The following PWWP2A variants were observed in gnomAD, a reference collection of about 807,000 sequenced individuals.
PWWP2A encodes PWWP domain-containing protein 2A.
PWWP2A carries 18 observed loss-of-function variants against 48.5 expected under a neutral mutation model. The observed-to-expected ratio is 0.37, with a 90% CI of 0.26 to 0.55. The LOEUF (loss-of-function observed/expected upper bound fraction) is 0.55. Among genes scored for constraint, PWWP2A ranks in the 20% least tolerant of loss-of-function variants. PWWP2A has a pLI of 0.81. For synonymous variants in PWWP2A, 396 were observed against 387.7 expected (o/e 1.02, Z -0.25); for missense variants, 867 against 976.4 (o/e 0.89, Z 1.49).
chr5:160,111,948 G>C (rs11953732), intron 1 of PWWP2A, among the ~76,000 whole-genome samples: 4 of 151,684 alleles, frequency 2.6e-5, no homozygotes, highest in Non-Finnish European at 2.9e-5. Context: ...GCAACAAAGC[G>C]AAACCCTGTC....
At chr5:160,065,105 G>A (rs375765891) in intron 4 of PWWP2A, 1 of 1,596,298 alleles carries the variant, frequency 6.3e-7, no homozygotes, top group South Asian at 1.1e-5. Flanking sequence ...TTGGAATTGT[G>A]TGCTGCTTGC....
At chr5:160,045,520 A>ACACACACACACACACACT in the PWWP2A span, among the ~76,000 whole-genome samples, 1 of 54,884 alleles carries the variant, frequency 1.8e-5, no homozygotes. Flanking sequence ...ACACATACAC[A>ACACACACACACACACACT]CTCTCTCTCT....
downstream of PWWP2A, chr5:160,090,860 G>A: frequency 2.0e-6 from 2 of 984,764 alleles, no homozygotes; most frequent in Non-Finnish European, 2.4e-6. Flanking sequence ...CAGCCAATCA[G>A]ATATATTTCT....
chr5:160,078,036 T>TA lies in PWWP2A; in HGVS notation c.*118dup. ...GTGCCCCTTTATAGACTGTTGTTTT[T>TA]AACCACTGCCTTAACATTTACTTCT... is the stretch of plus-strand genomic sequence containing the variant. On this transcript the variant is annotated 3_prime_UTR_variant, in exon 4 of 4. Coordinates refer to the PWWP2A transcript ENST00000456329. This position sits in a 1 kb window ranked among gnomAD's most constrained non-coding sequence, Gnocchi z 4.2. 1 of 872,842 alleles carries TA rather than the reference T, an allele frequency of 1.1e-6. No homozygotes were observed. Among genetic ancestry groups the TA allele is most frequent in the Non-Finnish European group, 1.8e-6 (1 of 541,544 alleles). The allele number at this position is 872,842 out of a possible 1,614,324, so 54.1% of individuals were successfully genotyped here.
chr5:160,113,220 T>G (rs992502103), intron 1 of PWWP2A: 78 of 982,932 alleles, frequency 7.9e-5, no homozygotes, highest in Non-Finnish European at 9.2e-5. Flanking sequence ...AATTTACTAT[T>G]TAGTACCACT....
chr5:160,072,014 C>T (rs1195544601), downstream of PWWP2A, among the ~76,000 whole-genome samples: 1 of 152,176 alleles, frequency 6.6e-6, no homozygotes, highest in Non-Finnish European at 1.5e-5. Context: ...AGGATTCTTG[C>T]CAGCCTGCTT....
At chr5:160,112,404 TAG>T (rs1015489145) in intron 1 of PWWP2A, among the ~76,000 whole-genome samples, 5 of 151,956 alleles carry the variant, frequency 3.3e-5, no homozygotes, top group Admixed American at 2.6e-4. Context: ...GTATTTTTAG[TAG>T]AGACAGGGTT....
chr5:160,084,784 T>C (rs768715817), intron 2 of PWWP2A, among the ~76,000 whole-genome samples: 7 of 152,064 alleles, frequency 4.6e-5, no homozygotes, highest in African/African-American at 1.2e-4. Flanking sequence ...AAGTTATATA[T>C]ATATACTCCT....
chr5:160,049,602 A>G, the PWWP2A span: 1 of 1,612,158 alleles, frequency 6.2e-7, no homozygotes, highest in African/African-American at 1.3e-5. Flanking sequence ...AAGCCCTGGA[A>G]GACTATAAAT....
At position 160,109,768 on chromosome 5, in the gene PWWP2A, AAAAAAAATATATATATATATAT is replaced by A. The variant is rs1757273040; in HGVS notation, c.584+9015_584+9036del. Among the ~76,000 whole-genome samples, 6 of 52,798 alleles carry A rather than the reference AAAAAAAATATATATATATATAT, an allele frequency of 1.1e-4. No homozygotes were observed. The South Asian group carries it at 3.7e-3, about 32-fold the overall frequency. The allele number at this position is 52,798 out of a possible 152,430, so 34.6% of individuals were successfully genotyped here. A position where few individuals can be genotyped will look rare whatever the true frequency, so the allele number is the denominator to read the frequency against. On this transcript the variant is annotated intron_variant, in intron 1 of 1. Transcript: ENST00000307063. Reference sequence around the variant, plus strand: ...GAGGATGCAACTGGGAAAAAAAAAAAAAAAAAATATATATATATATATATATATATATATATATATAAAATAA... The same window carrying A: ...GAGGATGCAACTGGGAAAAAAAAAAAATATATATATATATATATAAAATAA...
intron 1 of PWWP2A, among the ~76,000 whole-genome samples, chr5:160,118,552 G>C (rs1758373115): frequency 6.6e-6 from 1 of 152,166 alleles, no homozygotes; most frequent in Non-Finnish European, 1.5e-5. Flanking sequence ...GGTGAGACCT[G>C]TGAGCCCATC....
rs1753636453 is a variant in PWWP2A at position 160,067,277 on chromosome 5, T to TAAGA, written c.*80-410_*80-407dup. On this transcript the variant is annotated intron_variant and NMD_transcript_variant, in intron 2 of 5. Coordinates refer to the PWWP2A transcript ENST00000524050. Reference sequence around the variant, plus strand: ...TTTTGTATTATGAAAACAGTTTTCATAAGACAAAATTTTGTCTTATGAAAA... The same window carrying TAAGA: ...TTTTGTATTATGAAAACAGTTTTCATAAGAAAGACAAAATTTTGTCTTATGAAAA... Among the ~76,000 whole-genome samples, 2 of 152,114 alleles carry TAAGA rather than the reference T, an allele frequency of 1.3e-5. 1 individual carries two copies. Among genetic ancestry groups the TAAGA allele is most frequent in the African/African-American group, 4.8e-5 (2 of 41,414 alleles).
Position 160,092,200 on chromosome 5 carries a change from GATT to G in PWWP2A, c.*179_*181del. 8.3e-6 allele frequency: 11 copies of G among 1,328,768 alleles called. No individual in the cohort carries two copies. Among genetic ancestry groups the G allele is most frequent in the Non-Finnish European group, 1.1e-5 (11 of 1,043,248 alleles). 82.3% of individuals were successfully genotyped at this position (1,328,768 alleles called of 1,614,324 possible). On this transcript the variant is annotated 3_prime_UTR_variant, in exon 2 of 2. Transcript: ENST00000307063. ...ATCTCACTTCCTTAACACAAAATTTGATTATATGTTCAGTTTAAGCTCTCAGTC... is the reference window on the plus strand; with the variant it reads ...ATCTCACTTCCTTAACACAAAATTTGATATGTTCAGTTTAAGCTCTCAGTC...
At chr5:160,080,613 C>T in intron 3 of PWWP2A, 1 of 1,479,736 alleles carries the variant, frequency 6.8e-7, no homozygotes, top group Non-Finnish European at 9.1e-7. Flanking sequence ...TGACATGATG[C>T]CCTCTTCACT....
chr5:160,050,363 C>T, the PWWP2A span, among the ~76,000 whole-genome samples: 1 of 152,190 alleles, frequency 6.6e-6, no homozygotes, highest in African/African-American at 2.4e-5. Flanking sequence ...AGGAGAATCG[C>T]TTGAACCCAG....
chr5:160,088,700 A>T (rs1754834643), downstream of PWWP2A, among the ~76,000 whole-genome samples: 1 of 152,228 alleles, frequency 6.6e-6, no homozygotes, highest in African/African-American at 2.4e-5. Context: ...CAAATTCCTG[A>T]ATCAAAACAT....
downstream of PWWP2A, among the ~76,000 whole-genome samples, chr5:160,087,045 C>T (rs975385819): frequency 2.0e-5 from 3 of 151,918 alleles, no homozygotes; most frequent in Non-Finnish European, 2.9e-5. Flanking sequence ...TGCAGTCACA[C>T]TAATTCACCT....
At chr5:160,064,800 A>T in intron 4 of PWWP2A, 1 of 985,060 alleles carries the variant, frequency 1.0e-6, no homozygotes, top group Non-Finnish European at 1.5e-6. Context: ...TCATCATATT[A>T]AAAGTAGGCA....
intron 1 of PWWP2A, among the ~76,000 whole-genome samples, chr5:160,117,321 A>C (rs1328553742): frequency 6.6e-6 from 1 of 151,812 alleles, no homozygotes; most frequent in Non-Finnish European, 1.5e-5. Context: ...AACAAACATA[A>C]ACAGAAGTGC....
Sources: gnomAD v4.1 joint callset for allele counts (sites outside exome capture counted in the v4.1 genomes callset) on GRCh38, gnomAD v4.1.1 for gene constraint, Gnocchi (gnomAD v3.1) non-coding constraint, MANE v1.5 for transcripts, NCBI Gene and HGNC (gene_info 2026-07-23, HGNC 2026-07-21) for gene names.